Variants in SHLD2 observed in about 807,000 individuals in gnomAD.
SHLD2 encodes the protein shieldin complex subunit 2, also known as RINN1-REV7-interacting novel NHEJ regulator 2.
A neutral mutation model predicts 73.2 loss-of-function variants in SHLD2; 30 were observed. That is an observed-to-expected ratio of 0.41 (90% confidence interval 0.31 to 0.56). The LOEUF (loss-of-function observed/expected upper bound fraction) is 0.56, where lower values mean the gene tolerates loss of function less well. Among genes scored for constraint, SHLD2 ranks in the 20% least tolerant of loss-of-function variants. The pLI, the probability that SHLD2 is intolerant of heterozygous loss-of-function variation, is 0.28. For synonymous variants in SHLD2, 285 were observed against 370.1 expected, an observed-to-expected ratio of 0.77 and a Z score of 2.64; for missense variants, 745 against 1,055.9, an observed-to-expected ratio of 0.71 and a Z score of 4.08.
At chr10:87,106,519 T>G (rs1053083042) in intron 2 of SHLD2, among the ~76,000 whole-genome samples, 4 of 152,240 alleles carry the variant, frequency 2.6e-5, no homozygotes, top group Non-Finnish European at 4.4e-5. Flanking sequence ...CTCCTTGAGA[T>G]CTTATACAAT....
At chr10:87,167,243 G>C (rs944052049) in intron 4 of SHLD2, among the ~76,000 whole-genome samples, 1 of 152,152 alleles carries the variant, frequency 6.6e-6, no homozygotes, top group Admixed American at 6.5e-5. Context: ...TCAGGTTTTT[G>C]TAGAATTATG....
At chr10:87,190,239 A>G (rs924492094) in intron 9 of SHLD2, among the ~76,000 whole-genome samples, 2 of 152,258 alleles carry the variant, frequency 1.3e-5, no homozygotes, top group Admixed American at 6.5e-5. Context: ...TTGTATTTTT[A>G]GTAGAGACAG....
intron 2 of SHLD2, among the ~76,000 whole-genome samples, chr10:87,120,820 G>A (rs1332303311): frequency 1.3e-5 from 2 of 151,960 alleles, no homozygotes; most frequent in East Asian, 2.0e-4. Flanking sequence ...TTGGGAGGCC[G>A]AGGTGGGCGG....
intron 2 of SHLD2, among the ~76,000 whole-genome samples, chr10:87,127,306 G>C (rs1014032056): frequency 6.6e-6 from 1 of 152,190 alleles, no homozygotes; most frequent in African/African-American, 2.4e-5. Context: ...TTAATGTATA[G>C]CTGGTAGAAA....
intron 6 of SHLD2, among the ~76,000 whole-genome samples, chr10:87,172,669 T>A (rs1442777230): frequency 8.3e-5 from 12 of 143,776 alleles, no homozygotes; most frequent in East Asian, 5.9e-4. Flanking sequence ...AAATAAAAAA[T>A]AAAAAAAAAT....
At chr10:87,184,852 T>C (rs1481865212) in intron 8 of SHLD2, among the ~76,000 whole-genome samples, 2 of 152,218 alleles carry the variant, frequency 1.3e-5, no homozygotes, top group Non-Finnish European at 2.9e-5. Flanking sequence ...TTTTCTGTTA[T>C]AGTAGCCTGG....
At chr10:87,155,624 T>G (rs953523902) in intron 3 of SHLD2, among the ~76,000 whole-genome samples, 35 of 151,756 alleles carry the variant, frequency 2.3e-4, no homozygotes, top group Non-Finnish European at 4.1e-4. Context: ...AAAAGAGGGC[T>G]GGATCCTGGA....
At chr10:87,140,167 C>T (rs564073864) in intron 2 of SHLD2, among the ~76,000 whole-genome samples, 2 of 152,082 alleles carry the variant, frequency 1.3e-5, no homozygotes, top group South Asian at 4.2e-4. Flanking sequence ...ACTTGTAATC[C>T]TAGCACTTTG....
intron 2 of SHLD2, among the ~76,000 whole-genome samples, chr10:87,137,312 A>G (rs954031536): frequency 2.0e-5 from 3 of 152,166 alleles, no homozygotes; most frequent in African/African-American, 7.2e-5. Context: ...AACCAAGTTG[A>G]AATTCCATTA....
At chr10:87,132,309 G>C (rs1844486608) in intron 2 of SHLD2, among the ~76,000 whole-genome samples, 1 of 152,006 alleles carries the variant, frequency 6.6e-6, no homozygotes. Context: ...CCCAGTAAAT[G>C]GTATTATGAC....
intron 8 of SHLD2, among the ~76,000 whole-genome samples, chr10:87,181,814 G>C (rs1848328242): frequency 6.6e-6 from 1 of 151,624 alleles, no homozygotes; most frequent in South Asian, 2.1e-4. Context: ...TTGTTGCCCA[G>C]GCTGGAGTGC....
At chr10:87,173,540 A>T (rs191180134) in intron 6 of SHLD2, among the ~76,000 whole-genome samples, 45 of 151,284 alleles carry the variant, frequency 3.0e-4, no homozygotes, top group African/African-American at 1.1e-3. Flanking sequence ...GAGAAAAAAT[A>T]GAATTAAATT....
intron 2 of SHLD2, among the ~76,000 whole-genome samples, chr10:87,136,978 T>C (rs1447098137): frequency 6.6e-6 from 1 of 152,220 alleles, no homozygotes; most frequent in African/African-American, 2.4e-5. Flanking sequence ...TCAGACTCCC[T>C]TCTAGTGTCC....
chr10:87,151,299 T>A (rs1223488869), intron 2 of SHLD2, 51 bp from the exon 3 acceptor site: 1 of 996,446 alleles, frequency 1.0e-6, no homozygotes, highest in Non-Finnish European at 1.5e-6. Flanking sequence ...AATATCCATA[T>A]GCAAAAATAT....
intron 2 of SHLD2, among the ~76,000 whole-genome samples, chr10:87,097,547 G>A (rs1248772471): frequency 4.6e-5 from 7 of 152,112 alleles, no homozygotes; most frequent in South Asian, 2.1e-4. Context: ...AGCCGAGATC[G>A]TGCCATTGCA....
chr10:87,142,922 CTTTTT>C (rs71269253), intron 2 of SHLD2, among the ~76,000 whole-genome samples: 1 of 83,200 alleles, frequency 1.2e-5, no homozygotes, highest in African/African-American at 5.5e-5. Context: ...TTTATTTTTA[CTTTTT>C]TTTTTTTTTT....
At chr10:87,145,621 T>C (rs1845549796) in intron 2 of SHLD2, among the ~76,000 whole-genome samples, 1 of 151,868 alleles carries the variant, frequency 6.6e-6, no homozygotes, top group Non-Finnish European at 1.5e-5. Context: ...CACTCTCTTT[T>C]AATGATACAT....
chr10:87,180,940 T>C (rs905684182), intron 8 of SHLD2, among the ~76,000 whole-genome samples: 4 of 152,008 alleles, frequency 2.6e-5, no homozygotes, highest in African/African-American at 9.7e-5. Context: ...ATATTCCACA[T>C]GTTATCATGG....
chr10:87,156,685 G>T (rs1215354863), intron 3 of SHLD2, among the ~76,000 whole-genome samples: 2 of 152,168 alleles, frequency 1.3e-5, no homozygotes, highest in Non-Finnish European at 2.9e-5. Context: ...TCCAACATAT[G>T]CTTCACAGTC....
Sources: allele counts gnomAD v4.1 joint callset (sites outside exome capture counted in the v4.1 genomes callset), GRCh38; gene constraint gnomAD v4.1.1; transcripts MANE v1.5; gene names NCBI Gene and HGNC (gene_info 2026-07-23, HGNC 2026-07-21).